Variants in ARPP21 observed in about 807,000 individuals in gnomAD.
ARPP21 encodes cAMP regulated phosphoprotein 21.
A neutral mutation model predicts 113.2 loss-of-function variants in ARPP21; 69 were observed. That is an observed-to-expected ratio of 0.61 (90% CI 0.50 to 0.74). ARPP21 has a LOEUF of 0.74. Among genes scored for constraint, ARPP21 ranks in the 30% least tolerant of loss-of-function variants. The pLI is 0.00. For synonymous variants in ARPP21, 368 were observed against 375.5 expected, an observed-to-expected ratio of 0.98 and a Z score of 0.23; for missense variants, 1,070 against 1,037.4, an observed-to-expected ratio of 1.03 and a Z score of -0.43.
chr3:35,743,762 C>G, intron 18 of ARPP21, 77 bp from the exon 19 acceptor site: 1 of 1,495,184 alleles, frequency 6.7e-7, no homozygotes, highest in Non-Finnish European at 9.3e-7. Flanking sequence ...AATTATAAGA[C>G]GAAAGCATAT....
At chr3:35,775,867 T>C (rs1317791946) in intron 19 of ARPP21, among the ~76,000 whole-genome samples, 2 of 152,182 alleles carry the variant, frequency 1.3e-5, no homozygotes, top group African/African-American at 4.8e-5. Flanking sequence ...GCAGCATAAA[T>C]GCTTTTGTCT....
At chr3:35,690,227 G>GA in intron 8 of ARPP21, 87 bp downstream of exon 8, 1 of 751,722 alleles carries the variant, frequency 1.3e-6, no homozygotes, top group Non-Finnish European at 2.4e-6. Context: ...AAGACTTAGG[G>GA]ATAGACAAAA....
intron 13 of ARPP21, among the ~76,000 whole-genome samples, 164 bp downstream of exon 13, chr3:35,717,521 A>G (rs878937152): frequency 6.6e-6 from 1 of 152,110 alleles, no homozygotes; most frequent in South Asian, 2.1e-4. Context: ...CATATTGGGT[A>G]GTATGAGATA....
rs1193927873 is a variant in ARPP21, at chr3:35,721,715, G to A, written c.1106G>A (p.Ser369Asn). 6.2e-7 allele frequency: 1 copy of A among 1,613,976 alleles called. No homozygotes were observed. The highest frequency in any genetic ancestry group is 8.5e-7 in the Non-Finnish European group (1 of 1,179,926). ...GCCTGGAGCAGCACAGACTCCGACAGTTCCAACCGCAATCTAAAGCCCGCC... is the reference window on the plus strand; with the variant it reads ...GCCTGGAGCAGCACAGACTCCGACAATTCCAACCGCAATCTAAAGCCCGCC... ...QRAWSSTDSD[S>N]SNRNLKPAMT... Residue 369 changes from serine to asparagine, a missense_variant, in exon 14 of 21, where the codon AGT becomes AAT. Transcript: ENST00000684406.
At chr3:35,689,188 A>G in intron 6 of ARPP21, 119 bp from the exon 7 acceptor site, 1 of 676,558 alleles carries the variant, frequency 1.5e-6, no homozygotes, top group Non-Finnish European at 2.7e-6. Context: ...GTATTTTTAT[A>G]CCAACAGCTT....
intron 9 of ARPP21, among the ~76,000 whole-genome samples, chr3:35,691,573 A>G (rs2082255136): frequency 6.6e-6 from 1 of 151,586 alleles, no homozygotes; most frequent in South Asian, 2.1e-4. Flanking sequence ...TTTAAGCTAG[A>G]TGAAACATCT....
At chr3:35,743,452 C>G (rs2094804586) in intron 18 of ARPP21, among the ~76,000 whole-genome samples, 2 of 152,136 alleles carry the variant, frequency 1.3e-5, no homozygotes, top group African/African-American at 2.4e-5. Context: ...GGAGGGTAAC[C>G]AGTCAATTGG....
intron 19 of ARPP21, chr3:35,781,759 G>A (rs2096532022): frequency 6.6e-6 from 1 of 152,116 alleles, no homozygotes; most frequent in Non-Finnish European, 1.5e-5. Flanking sequence ...AATCATTGCT[G>A]TAATATTGAT....
chr3:35,667,841 A>AAGAAGAAGAAGAAGAAGAAGAAGAAGAAG (rs1559547262), intron 1 of ARPP21, among the ~76,000 whole-genome samples: 4 of 81,502 alleles, frequency 4.9e-5, no homozygotes, highest in African/African-American at 1.8e-4. Flanking sequence ...TTTTATTCTC[A>AAGAAGAAGAAGAAGAAGAAGAAGAAGAAG]AAGAAGAAGA....
intron 1 of ARPP21, among the ~76,000 whole-genome samples, chr3:35,647,723 T>C (rs1355976563): frequency 6.6e-6 from 1 of 152,190 alleles, no homozygotes; most frequent in Admixed American, 6.5e-5. Flanking sequence ...AGTGTGACTA[T>C]GGCCAAAGCT....
intron 14 of ARPP21, among the ~76,000 whole-genome samples, chr3:35,722,800 G>T (rs1378151653): frequency 6.6e-6 from 1 of 152,132 alleles, no homozygotes. Flanking sequence ...ATGCCCTCAT[G>T]GTCGGCCATT....
At chr3:35,779,299 C>A (rs974512789) in intron 19 of ARPP21, among the ~76,000 whole-genome samples, 5 of 152,066 alleles carry the variant, frequency 3.3e-5, no homozygotes, top group Non-Finnish European at 5.9e-5. Flanking sequence ...CTATTACCAA[C>A]AAAACAGAAC....
At chr3:35,784,581 T>C (rs954909296) in intron 19 of ARPP21, among the ~76,000 whole-genome samples, 7 of 152,194 alleles carry the variant, frequency 4.6e-5, no homozygotes, top group African/African-American at 1.2e-4. Context: ...TGCCTCTTCT[T>C]TCCATTCCTA....
chr3:35,679,316 T>A (rs1467498877), intron 1 of ARPP21, among the ~76,000 whole-genome samples: 1 of 151,912 alleles, frequency 6.6e-6, no homozygotes, highest in Non-Finnish European at 1.5e-5. Flanking sequence ...AAAACCTTTC[T>A]GTACACTTTA....
rs781467134 is a variant in ARPP21 at position 35,739,402 on chromosome 3, T to C, written c.1835T>C (p.Val612Ala). Reference sequence around the variant, plus strand: ...ACTCCTGAACCCCCATCAGGTCCTGTCTACCCATCCTCCCTTATGCCACAG... The same window carrying C: ...ACTCCTGAACCCCCATCAGGTCCTGCCTACCCATCCTCCCTTATGCCACAG... ...GETPEPPSGP[V>A]YPSSLMPQPA... Residue 612 changes from valine to alanine, a missense_variant, in exon 18 of 21, where the codon GTC (valine) becomes GCC (alanine). Coordinates refer to ENST00000684406, the MANE Select transcript of ARPP21 (RefSeq NM_001385562.1). 1.2e-6 allele frequency: 2 copies of C among 1,614,000 alleles called. No individual in the cohort carries two copies. The highest frequency in any genetic ancestry group is 8.5e-7 in the Non-Finnish European group (1 of 1,180,026).
chr3:35,768,581 A>T (rs952496638), intron 19 of ARPP21, among the ~76,000 whole-genome samples: 11 of 152,208 alleles, frequency 7.2e-5, no homozygotes, highest in Admixed American at 7.2e-4. Context: ...ATACAACAAA[A>T]GGAGCATTAC....
At chr3:35,690,219 G>T (rs902575970) in intron 8 of ARPP21, 79 bp downstream of exon 8, 4 of 773,054 alleles carry the variant, frequency 5.2e-6, no homozygotes, top group Non-Finnish European at 9.4e-6. Flanking sequence ...ATTCTGGAAA[G>T]ACTTAGGGAT....
At chr3:35,703,242 A>G (rs2087197990) in intron 9 of ARPP21, among the ~76,000 whole-genome samples, 1 of 151,942 alleles carries the variant, frequency 6.6e-6, no homozygotes, top group Non-Finnish European at 1.5e-5. Flanking sequence ...TAAAAATACT[A>G]ATAATAATGA....
At chr3:35,653,826 A>G (rs1024747407) in intron 1 of ARPP21, among the ~76,000 whole-genome samples, 2 of 152,092 alleles carry the variant, frequency 1.3e-5, no homozygotes, top group African/African-American at 2.4e-5. Context: ...CTGAAATTGT[A>G]TGTATATCAA....
Sources: gnomAD v4.1 joint callset for allele counts (sites outside exome capture counted in the v4.1 genomes callset) on GRCh38, gnomAD v4.1.1 for gene constraint, MANE v1.5 for transcripts, NCBI Gene and HGNC (gene_info 2026-07-23, HGNC 2026-07-21) for gene names.